Variants in PCDHA1 observed in about 807,000 individuals in gnomAD.
PCDHA1 encodes protocadherin alpha 1, also known as protocadherin alpha-1.
A neutral mutation model predicts 61.3 loss-of-function variants in PCDHA1; 42 were observed. The observed-to-expected ratio is 0.69, with a 90% CI of 0.54 to 0.89. The LOEUF (loss-of-function observed/expected upper bound fraction) is 0.89. PCDHA1 is among the 40% of genes least tolerant of loss of function. PCDHA1 has a pLI of 0.00. For synonymous variants in PCDHA1, 610 were observed against 553.8 expected (o/e 1.10, Z -1.43); for missense variants, 1,256 against 1,235.3 (o/e 1.02, Z -0.25).
intron 1 of PCDHA1, among the ~76,000 whole-genome samples, chr5:140,881,147 A>T (rs982102013): frequency 1.3e-5 from 2 of 152,356 alleles, no homozygotes; most frequent in East Asian, 3.9e-4. Context: ...ATAACAATAG[A>T]TAAAAGTAAG....
intron 1 of PCDHA1, among the ~76,000 whole-genome samples, chr5:140,954,639 T>A (rs1433862413): frequency 6.6e-6 from 1 of 152,240 alleles, no homozygotes; most frequent in East Asian, 1.9e-4. Flanking sequence ...TCTTGTAAAT[T>A]TGTTTAAGTT....
intron 1 of PCDHA1, chr5:140,853,842 C>G: frequency 1.0e-6 from 1 of 986,448 alleles, no homozygotes; most frequent in Non-Finnish European, 1.2e-6. Flanking sequence ...AATTTTAGAT[C>G]CATAGCCCTA....
rs201090787 is a variant in PCDHA1, at chr5:140,876,840, G to A, written c.2394+88156G>A. On this transcript the variant is annotated intron_variant, in intron 1 of 3. Coordinates refer to ENST00000504120, the MANE Select transcript of PCDHA1 (RefSeq NM_018900.4). Reference sequence around the variant, plus strand: ...TGAACGACAATGCGCCTGCGTTCGCGCAGCCCGAGTACACAGTGTTCGTGA... The same window carrying A: ...TGAACGACAATGCGCCTGCGTTCGCACAGCCCGAGTACACAGTGTTCGTGA... 2.5e-6 allele frequency: 4 copies of A among 1,614,166 alleles called. No homozygotes were observed. In the East Asian group the frequency reaches 6.7e-5, roughly 27 times the overall value.
intron 1 of PCDHA1, chr5:140,927,592 G>T: frequency 6.2e-7 from 1 of 1,614,170 alleles, no homozygotes; most frequent in Admixed American, 1.7e-5. Context: ...GCCTGTATTT[G>T]AGCGCTCCGT....
At chr5:140,982,025 C>A (rs1191670248) in intron 2 of PCDHA1, among the ~76,000 whole-genome samples, 1 of 152,180 alleles carries the variant, frequency 6.6e-6, no homozygotes, top group Non-Finnish European at 1.5e-5. Flanking sequence ...CAAATTGGAA[C>A]AATACTCCAA....
rs199848124 is a variant in PCDHA1 at position 140,875,823 on chromosome 5, C to T, written c.2394+87139C>T. 3,681 of 1,614,172 alleles carry T rather than the reference C, an allele frequency of 2.3e-3. 15 individuals carry two copies. Among genetic ancestry groups the T allele is most frequent in the Middle Eastern group, 9.6e-3 (58 of 6,062 alleles). The stretch of plus-strand genomic sequence containing the variant: ...TCGTGGACAGGCCGCTGCAGGTTTT[C>T]CATGTGGACGTGGAGGTGAAGGACA... On this transcript the variant is annotated intron_variant, in intron 1 of 3. Transcript: ENST00000504120.
chr5:140,835,696 C>T (rs2150242204), intron 1 of PCDHA1: 2 of 1,613,914 alleles, frequency 1.2e-6, no homozygotes, highest in South Asian at 2.2e-5. Context: ...CTGTGGGCCA[C>T]TGCTAGCGTG....
chr5:140,812,494 G>T (rs2126639438), intron 1 of PCDHA1: 1 of 151,910 alleles, frequency 6.6e-6, no homozygotes, highest in East Asian at 1.9e-4. Context: ...CTTTATTATA[G>T]TATTTCCTCC....
chr5:140,797,154 TGC>T (rs1200835158), intron 1 of PCDHA1: 1 of 1,613,844 alleles, frequency 6.2e-7, no homozygotes, highest in Non-Finnish European at 8.5e-7. Flanking sequence ...CCACCGAGGG[TGC>T]GCGCGCGCCA....
intron 1 of PCDHA1, among the ~76,000 whole-genome samples, chr5:140,839,882 T>G (rs2150166870): frequency 6.6e-6 from 1 of 152,128 alleles, no homozygotes; most frequent in South Asian, 2.1e-4. Context: ...ATGAATAGAA[T>G]TTTGACAGAA....
At chr5:140,919,976 G>A (rs552658832) in intron 1 of PCDHA1, among the ~76,000 whole-genome samples, 1 of 134,018 alleles carries the variant, frequency 7.5e-6, no homozygotes, top group Non-Finnish European at 1.7e-5. Context: ...ATAAGAGATA[G>A]AAGATGGAAA....
intron 1 of PCDHA1, chr5:140,843,028 G>T: frequency 6.3e-7 from 1 of 1,595,268 alleles, no homozygotes; most frequent in Non-Finnish European, 8.6e-7. Context: ...TGGAGCCTCG[G>T]GTGGGTGGCA....
At chr5:140,895,843 C>G (rs574376494) in intron 1 of PCDHA1, among the ~76,000 whole-genome samples, 1 of 152,232 alleles carries the variant, frequency 6.6e-6, no homozygotes, top group East Asian at 1.9e-4. Context: ...CAAAGTCTCA[C>G]TCTTGTACCC....
At chr5:140,858,446 T>C in intron 1 of PCDHA1, 1 of 1,533,674 alleles carries the variant, frequency 6.5e-7, no homozygotes, top group Non-Finnish European at 8.9e-7. Context: ...GGTGGGTTAT[T>C]ACGTTTTCAT....
rs2098418726 is a variant in PCDHA1 at position 141,010,899 on chromosome 5, C to T, written c.*962C>T. 2 of 153,680 alleles carry T rather than the reference C, an allele frequency of 1.3e-5. No individual in the cohort carries two copies. Among genetic ancestry groups the T allele is most frequent in the Admixed American group, 6.6e-5 (1 of 15,264 alleles). The allele number at this position is 153,680 out of a possible 1,614,324, so 9.5% of individuals were successfully genotyped here. ...TTTAAAGAGAAATATGAATACAATT[C>T]CCCTAAACTCTCCTCAAAAGAGAAT... On this transcript the variant is annotated 3_prime_UTR_variant, in exon 4 of 4. Coordinates refer to ENST00000504120, the MANE Select transcript of PCDHA1 (RefSeq NM_018900.4).
chr5:140,971,529 T>G (rs782358590), intron 1 of PCDHA1, among the ~76,000 whole-genome samples: 1 of 152,176 alleles, frequency 6.6e-6, no homozygotes, highest in East Asian at 1.9e-4. Flanking sequence ...GTTCTGAAAG[T>G]CATCATTGCC....
intron 1 of PCDHA1, chr5:140,855,848 A>G: frequency 1.5e-6 from 1 of 662,286 alleles, no homozygotes; most frequent in South Asian, 2.3e-5. Context: ...ACCTAAAGCC[A>G]CCGGATGTCG....
chr5:140,845,590 G>A (rs1475387499), intron 1 of PCDHA1, among the ~76,000 whole-genome samples: 3 of 149,560 alleles, frequency 2.0e-5, no homozygotes, highest in Non-Finnish European at 4.5e-5. Flanking sequence ...AAATGTGTCA[G>A]AAGTTAGTTA....
intron 1 of PCDHA1, among the ~76,000 whole-genome samples, chr5:140,846,696 G>A (rs1487069290): frequency 1.3e-5 from 2 of 149,188 alleles, no homozygotes; most frequent in African/African-American, 2.5e-5. Context: ...TTAGCAAGTA[G>A]AGAAGATTGT....
Sources: allele counts gnomAD v4.1 joint callset (sites outside exome capture counted in the v4.1 genomes callset), GRCh38; gene constraint gnomAD v4.1.1; transcripts MANE v1.5; gene names NCBI Gene and HGNC (gene_info 2026-07-23, HGNC 2026-07-21).